Variants in NXPH1 observed in about 807,000 individuals in gnomAD.
NXPH1 encodes the protein neurexophilin-1.
In NXPH1, 5 loss-of-function variants were observed where a neutral mutation model predicts 23.7. The observed-to-expected ratio is 0.21, with a 90% confidence interval of 0.11 to 0.44. The LOEUF (loss-of-function observed/expected upper bound fraction) is 0.44, where lower values mean the gene tolerates loss of function less well. Ranked by LOEUF, NXPH1 falls within the 20% of genes least tolerant of loss-of-function variation. NXPH1 has a pLI of 0.99. For synonymous variants in NXPH1, 144 were observed against 122.2 expected (o/e 1.18, Z -1.18); for missense variants, 324 against 321.6 (o/e 1.01, Z -0.06).
chr7:8,480,971 A>G (rs1414540735), intron 2 of NXPH1, among the ~76,000 whole-genome samples: 1 of 152,130 alleles, frequency 6.6e-6, no homozygotes, highest in Non-Finnish European at 1.5e-5. Context: ...TCAATTACTG[A>G]CAGAAACTAG....
At chr7:8,731,943 G>T (rs896193556) in intron 2 of NXPH1, among the ~76,000 whole-genome samples, 1 of 152,226 alleles carries the variant, frequency 6.6e-6, no homozygotes, top group Non-Finnish European at 1.5e-5. Flanking sequence ...CCCCGGCCTT[G>T]CTGCTGCCTT....
intron 2 of NXPH1, among the ~76,000 whole-genome samples, chr7:8,750,623 A>G (rs964304020): frequency 1.3e-5 from 2 of 152,188 alleles, no homozygotes; most frequent in Non-Finnish European, 2.9e-5. Context: ...TTTGGTTTAT[A>G]TTTGAATTTA....
intron 2 of NXPH1, among the ~76,000 whole-genome samples, chr7:8,738,540 C>T (rs969557841): frequency 3.3e-5 from 5 of 152,150 alleles, no homozygotes; most frequent in Non-Finnish European, 4.4e-5. Context: ...TGGAGCTCTC[C>T]TATATGAGGT....
intron 2 of NXPH1, among the ~76,000 whole-genome samples, chr7:8,519,737 A>T (rs1177997696): frequency 6.6e-6 from 1 of 152,136 alleles, no homozygotes. Flanking sequence ...GGGCTGAAGG[A>T]TGTTGCAGTA....
intron 2 of NXPH1, among the ~76,000 whole-genome samples, chr7:8,618,517 A>T (rs1819795154): frequency 6.6e-6 from 1 of 152,164 alleles, no homozygotes; most frequent in South Asian, 2.1e-4. Flanking sequence ...TTTTTCCTTC[A>T]TACTCTTTAT....
chr7:8,469,491 G>C (rs1490929421), intron 2 of NXPH1, among the ~76,000 whole-genome samples: 5 of 152,064 alleles, frequency 3.3e-5, no homozygotes, highest in African/African-American at 1.2e-4. Context: ...TGTGCTCTCA[G>C]TTTCTTTTCT....
chr7:8,662,813 C>T (rs1172579457), intron 2 of NXPH1, among the ~76,000 whole-genome samples: 1 of 152,048 alleles, frequency 6.6e-6, no homozygotes, highest in Admixed American at 6.6e-5. Flanking sequence ...GATATTTGTG[C>T]AGCTACTAGT....
At chr7:8,682,044 A>G (rs568454115) in intron 2 of NXPH1, among the ~76,000 whole-genome samples, 22 of 152,292 alleles carry the variant, frequency 1.4e-4, no homozygotes, top group Non-Finnish European at 2.5e-4. Context: ...AAGGGTGAGC[A>G]TGCCAGTGGA....
In NXPH1 at chr7:8,482,810, G is replaced by A. The variant is rs531584159; in HGVS notation, c.54+47043G>A. ...ATAGTGGCCCAAGAGACTGATAAGC[G>A]GGCCTTATCCCAGCATTGTGATGGA... is the stretch of plus-strand genomic sequence containing the variant. On this transcript the variant is annotated intron_variant, in intron 2 of 2. Transcript: ENST00000405863. 1.1e-4 allele frequency among the ~76,000 whole-genome samples: 16 copies of A among 152,246 alleles called. No individual in the cohort carries two copies. The East Asian group carries it at 1.9e-3, about 18-fold the overall frequency.
chr7:8,655,612 T>C (rs1403472572), intron 2 of NXPH1, among the ~76,000 whole-genome samples: 1 of 145,020 alleles, frequency 6.9e-6, no homozygotes. Flanking sequence ...GTGTGTGTGA[T>C]GGTCATATCT....
At chr7:8,715,649 C>A (rs1404807501) in intron 2 of NXPH1, among the ~76,000 whole-genome samples, 4 of 152,170 alleles carry the variant, frequency 2.6e-5, no homozygotes, top group African/African-American at 9.7e-5. Flanking sequence ...GGGAAGGTTA[C>A]ACAGAGTCTG....
At chr7:8,595,520 C>T (rs903220789) in intron 2 of NXPH1, among the ~76,000 whole-genome samples, 1 of 151,850 alleles carries the variant, frequency 6.6e-6, no homozygotes, top group Non-Finnish European at 1.5e-5. Flanking sequence ...TAGCGAAAAT[C>T]CTTAAACATT....
chr7:8,697,928 A>G (rs1167835536), intron 2 of NXPH1, among the ~76,000 whole-genome samples: 1 of 152,206 alleles, frequency 6.6e-6, no homozygotes, highest in East Asian at 1.9e-4. Flanking sequence ...AGGATCATTT[A>G]TGGCCTGAAG....
chr7:8,726,805 T>G (rs1321800055), intron 2 of NXPH1, among the ~76,000 whole-genome samples: 1 of 151,242 alleles, frequency 6.6e-6, no homozygotes, highest in East Asian at 1.9e-4. Flanking sequence ...TACGTGTGCA[T>G]GTGTCTTTAT....
At chr7:8,451,924 G>T (rs1053729121) in intron 2 of NXPH1, among the ~76,000 whole-genome samples, 5 of 152,132 alleles carry the variant, frequency 3.3e-5, no homozygotes, top group Non-Finnish European at 7.4e-5. Context: ...GGGTGCATAG[G>T]GTTCACCATG....
At chr7:8,457,251 G>A (rs980740603) in intron 2 of NXPH1, among the ~76,000 whole-genome samples, 1 of 152,162 alleles carries the variant, frequency 6.6e-6, no homozygotes, top group Admixed American at 6.5e-5. Flanking sequence ...ACTGACACAA[G>A]GGAAATAAAT....
chr7:8,583,451 A>G (rs1187176902), intron 2 of NXPH1, among the ~76,000 whole-genome samples: 1 of 152,190 alleles, frequency 6.6e-6, no homozygotes, highest in Non-Finnish European at 1.5e-5. Context: ...GATTATGTGA[A>G]TTTTAAGTGA....
intron 2 of NXPH1, among the ~76,000 whole-genome samples, chr7:8,625,103 G>A (rs898926353): frequency 1.4e-4 from 22 of 152,036 alleles, no homozygotes; most frequent in African/African-American, 5.3e-4. Context: ...CAGTTGCTTT[G>A]ACTATAGAGT....
chr7:8,634,539 C>T (rs780093043), intron 2 of NXPH1, among the ~76,000 whole-genome samples: 7 of 152,120 alleles, frequency 4.6e-5, no homozygotes, highest in Non-Finnish European at 1.0e-4. Context: ...CTATCATACT[C>T]ATCTGAGTGT....
Sources: gnomAD v4.1 joint callset for allele counts (sites outside exome capture counted in the v4.1 genomes callset) on GRCh38, gnomAD v4.1.1 for gene constraint, MANE v1.5 for transcripts, NCBI Gene and HGNC (gene_info 2026-07-23, HGNC 2026-07-21) for gene names.